GALNTL6: variants seen among roughly 807,000 people sequenced by gnomAD.
GALNTL6 encodes polypeptide N-acetylgalactosaminyltransferase like 6.
In GALNTL6, 46 loss-of-function variants were observed where a neutral mutation model predicts 73.7. That is an observed-to-expected ratio of 0.62 (90% confidence interval 0.49 to 0.80). The LOEUF (loss-of-function observed/expected upper bound fraction) is 0.80. GALNTL6 is among the 30% of genes least tolerant of loss of function. The pLI is 0.00. For missense variants in GALNTL6, 604 were observed against 755.0 expected, an observed-to-expected ratio of 0.80 and a Z score of 2.34; for synonymous variants, 259 against 263.7, an observed-to-expected ratio of 0.98 and a Z score of 0.17.
intron 2 of GALNTL6, among the ~76,000 whole-genome samples, chr4:172,128,475 A>G (rs1225168580): frequency 1.3e-5 from 2 of 152,242 alleles, no homozygotes; most frequent in Non-Finnish European, 2.9e-5. Flanking sequence ...TCTTCAGTTT[A>G]TAACAGACAA....
intron 2 of GALNTL6, among the ~76,000 whole-genome samples, chr4:172,119,759 C>T (rs1733094028): frequency 6.6e-6 from 1 of 152,144 alleles, no homozygotes; most frequent in South Asian, 2.1e-4. Flanking sequence ...CAAAATCAAC[C>T]TGCAAGCTGC....
intron 8 of GALNTL6, among the ~76,000 whole-genome samples, chr4:172,923,837 C>T (rs558760072): frequency 6.6e-6 from 1 of 152,038 alleles, no homozygotes; most frequent in South Asian, 2.1e-4. Flanking sequence ...CAGGAAAACT[C>T]CCCTTATAGT....
At chr4:172,940,306 C>T (rs115981808) in intron 9 of GALNTL6, among the ~76,000 whole-genome samples, 2 of 150,710 alleles carry the variant, frequency 1.3e-5, no homozygotes, top group African/African-American at 4.9e-5. Flanking sequence ...CACATATGAA[C>T]TCAAACCTAA....
rs564048077 is a variant in GALNTL6, at chr4:172,039,757, T to C, written c.139-189899T>C. On this transcript the variant is annotated intron_variant, in intron 2 of 12. Coordinates refer to ENST00000506823, the MANE Select transcript of GALNTL6 (RefSeq NM_001034845.3). Reference sequence around the variant, plus strand: ...AACTAAGGTTAAGAAGATTAACCAATAGCATAAGGTTAACATGCAATTGTC... The same window carrying C: ...AACTAAGGTTAAGAAGATTAACCAACAGCATAAGGTTAACATGCAATTGTC... 5.3e-5 allele frequency among the ~76,000 whole-genome samples: 8 copies of C among 152,252 alleles called. No homozygotes were observed. The South Asian group carries it at 8.3e-4, about 16-fold the overall frequency.
At position 172,632,467 on chromosome 4, in the gene GALNTL6, G is replaced by C. The variant is rs565076770; in HGVS notation, c.554-176894G>C. 9.2e-5 allele frequency among the ~76,000 whole-genome samples: 14 copies of C among 152,248 alleles called. No homozygotes were observed. In the South Asian group the frequency reaches 2.9e-3, roughly 32 times the overall value. The stretch of plus-strand genomic sequence containing the variant: ...AAAGGTCACTCTTGTTATGCAAAAA[G>C]ACTGGTGATATTTTGCCTCTGCCCT... On this transcript the variant is annotated intron_variant, in intron 5 of 12. Coordinates refer to ENST00000506823, the MANE Select transcript of GALNTL6 (RefSeq NM_001034845.3).
chr4:172,946,889 G>T (rs1749192442), intron 9 of GALNTL6, among the ~76,000 whole-genome samples: 2 of 152,144 alleles, frequency 1.3e-5, no homozygotes, highest in Admixed American at 1.3e-4. Context: ...AGCCAACATG[G>T]TTTGCCCAGG....
intron 2 of GALNTL6, among the ~76,000 whole-genome samples, chr4:172,011,397 G>T (rs542342792): frequency 3.9e-5 from 6 of 152,028 alleles, no homozygotes; most frequent in Non-Finnish European, 8.8e-5. Context: ...GAGAGTGTGG[G>T]TGTGTCCTAA....
At chr4:172,199,154 GC>G (rs1735875159) in intron 2 of GALNTL6, among the ~76,000 whole-genome samples, 1 of 152,122 alleles carries the variant, frequency 6.6e-6, no homozygotes, top group Non-Finnish European at 1.5e-5. Flanking sequence ...CATAGAGTAA[GC>G]ATTTCATCAG....
At chr4:172,729,515 G>T (rs1038042713) in intron 5 of GALNTL6, among the ~76,000 whole-genome samples, 5 of 152,016 alleles carry the variant, frequency 3.3e-5, no homozygotes, top group African/African-American at 1.2e-4. Flanking sequence ...GTAAGTTTTT[G>T]GTGCCTAAGT....
intron 5 of GALNTL6, among the ~76,000 whole-genome samples, chr4:172,729,392 G>T (rs1163664558): frequency 6.6e-6 from 1 of 152,042 alleles, no homozygotes; most frequent in Non-Finnish European, 1.5e-5. Context: ...AATCCATTTT[G>T]ATTTAATTTT....
At chr4:172,732,227 G>A (rs554621678) in intron 5 of GALNTL6, among the ~76,000 whole-genome samples, 1 of 152,002 alleles carries the variant, frequency 6.6e-6, no homozygotes, top group East Asian at 1.9e-4. Flanking sequence ...TCTGTATTGG[G>A]TACATAAATA....
chr4:171,977,008 A>G (rs946862928), intron 2 of GALNTL6, among the ~76,000 whole-genome samples: 1 of 152,158 alleles, frequency 6.6e-6, no homozygotes, highest in South Asian at 2.1e-4. Context: ...GCAACTAGAA[A>G]CTAAGGAAAC....
chr4:172,019,919 G>A (rs1741344279), intron 2 of GALNTL6, among the ~76,000 whole-genome samples: 1 of 152,022 alleles, frequency 6.6e-6, no homozygotes, highest in African/African-American at 2.4e-5. Flanking sequence ...CATATGTGAG[G>A]TCACAAAACA....
At chr4:171,944,765 A>G (rs1738652971) in intron 2 of GALNTL6, among the ~76,000 whole-genome samples, 1 of 151,960 alleles carries the variant, frequency 6.6e-6, no homozygotes, top group African/African-American at 2.4e-5. Context: ...AGTTATAACC[A>G]GTTTTAACAC....
At chr4:172,927,738 A>T (rs972769103) in intron 8 of GALNTL6, among the ~76,000 whole-genome samples, 1 of 152,176 alleles carries the variant, frequency 6.6e-6, no homozygotes, top group Non-Finnish European at 1.5e-5. Context: ...TTCACAATGG[A>T]GTAGCCTCAG....
intron 4 of GALNTL6, among the ~76,000 whole-genome samples, chr4:172,322,681 G>A (rs917053532): frequency 5.9e-5 from 9 of 151,884 alleles, no homozygotes; most frequent in African/African-American, 1.7e-4. Flanking sequence ...ACCAAATCTC[G>A]TGAGAATTCT....
intron 5 of GALNTL6, among the ~76,000 whole-genome samples, chr4:172,440,503 A>C (rs1246466560): frequency 1.3e-5 from 2 of 152,142 alleles, no homozygotes; most frequent in Non-Finnish European, 2.9e-5. Context: ...GACTAGGCAG[A>C]ACACAGAAGA....
intron 2 of GALNTL6, among the ~76,000 whole-genome samples, chr4:171,930,688 T>C (rs1197910980): frequency 6.6e-6 from 1 of 151,812 alleles, no homozygotes; most frequent in African/African-American, 2.4e-5. Flanking sequence ...ATAAAAAAAA[T>C]AGCCAGGCGT....
intron 8 of GALNTL6, among the ~76,000 whole-genome samples, chr4:172,884,381 A>G (rs1745610815): frequency 6.6e-6 from 1 of 152,162 alleles, no homozygotes; most frequent in Non-Finnish European, 1.5e-5. Context: ...AAGATGTTCA[A>G]CATTTTTCAT....
Sources: gnomAD v4.1 joint callset for allele counts (sites outside exome capture counted in the v4.1 genomes callset) on GRCh38, gnomAD v4.1.1 for gene constraint, MANE v1.5 for transcripts, NCBI Gene and HGNC (gene_info 2026-07-23, HGNC 2026-07-21) for gene names.